HERC2: variants seen among roughly 807,000 people sequenced by gnomAD.
HERC2 encodes the protein E3 ubiquitin-protein ligase HERC2.
Under a neutral mutation model 537.7 loss-of-function variants are expected in HERC2, and 102 were observed. That is an observed-to-expected ratio of 0.19 (90% CI 0.16 to 0.22). The LOEUF is 0.22. HERC2 is among the 10% of genes least tolerant of loss of function. HERC2 has a pLI of 1.00. For synonymous variants in HERC2, 2,224 were observed against 2,466.2 expected, an observed-to-expected ratio of 0.90 and a Z score of 2.91; for missense variants, 4,236 against 6,198.2, an observed-to-expected ratio of 0.68 and a Z score of 10.63.
At chr15:28,130,968 G>A (rs1371741464) in intron 81 of HERC2, among the ~76,000 whole-genome samples, 2 of 152,164 alleles carry the variant, frequency 1.3e-5, no homozygotes, top group Non-Finnish European at 2.9e-5. Context: ...AGCCCTCTCA[G>A]AGCAGAGGCC....
In HERC2 at chr15:28,237,087, T is replaced by C; in HGVS notation, c.3879A>G (p.Pro1293=). Reference sequence around the variant, plus strand: ...GAGGTGAAGAGAGACTCCCCAGATCTGGTATGGTGACGATTTCTTGGTCAG... The same window carrying C: ...GAGGTGAAGAGAGACTCCCCAGATCCGGTATGGTGACGATTTCTTGGTCAG... The part of the protein sequence containing the change: ...LEPDQEIVTI[P]DLGSLSSPLI... Residue 1293 remains proline (P), a synonymous_variant, in exon 26 of 93, where the codon CCA becomes CCG. Transcript: ENST00000261609. The C allele has an allele frequency of 1.3e-6, 2 of 1,566,012 alleles. No homozygotes were observed. Among genetic ancestry groups the C allele is most frequent in the Non-Finnish European group, 8.8e-7 (1 of 1,137,866 alleles).
intron 70 of HERC2, among the ~76,000 whole-genome samples, chr15:28,149,742 A>G (rs1892207738): frequency 6.6e-6 from 1 of 152,106 alleles, no homozygotes; most frequent in Non-Finnish European, 1.5e-5. Flanking sequence ...CCGAAAAAAC[A>G]CACGCGACTT....
rs974677289 is a variant in HERC2 at position 28,177,322 on chromosome 15, A to T, written c.9254+97T>A. On this transcript the variant is annotated intron_variant, in intron 60 of 92. Transcript: ENST00000261609. The surrounding 1 kb of genome is among the most constrained non-coding windows in gnomAD (Gnocchi z 5.0). ...AATTTTGTTTAAGAACCATTTCTAT[A>T]ATCTATTCTATTCTAATTTTCTGCA... 7.3e-7 allele frequency: 1 copy of T among 1,363,624 alleles called. No individual in the cohort carries two copies. The highest frequency in any genetic ancestry group is 1.5e-5 in the African/African-American group (1 of 68,470). 84.5% of individuals were successfully genotyped at this position (1,363,624 alleles called of 1,614,324 possible). A position where few individuals can be genotyped will look rare whatever the true frequency, so the allele number is the denominator to read the frequency against.
intron 55 of HERC2, chr15:28,190,505 C>T (rs1003251928): frequency 6.1e-6 from 1 of 163,890 alleles, no homozygotes; most frequent in Admixed American, 5.9e-5. Context: ...TAAACTTAGA[C>T]TCATTTTGAA....
At chr15:28,303,056 G>GT (rs1205072900) in intron 2 of HERC2, among the ~76,000 whole-genome samples, 1 of 151,606 alleles carries the variant, frequency 6.6e-6, no homozygotes, top group Non-Finnish European at 1.5e-5. Context: ...TGTTTACGAA[G>GT]TATTACTCAA....
At chr15:28,132,352 G>T (rs1596010775) in intron 80 of HERC2, 91 bp from the exon 81 acceptor site, 4 of 1,217,372 alleles carry the variant, frequency 3.3e-6, no homozygotes, top group South Asian at 3.3e-5. Context: ...CTTTTTTTAT[G>T]GGGGTACCTG....
intron 35 of HERC2, among the ~76,000 whole-genome samples, chr15:28,224,160 C>G (rs1167812968): frequency 6.8e-6 from 1 of 147,598 alleles, no homozygotes; most frequent in African/African-American, 2.6e-5. Flanking sequence ...CACACACACA[C>G]ACACACAGAG....
At chr15:28,194,367 G>A (rs1251489907) in intron 52 of HERC2, among the ~76,000 whole-genome samples, 2 of 144,576 alleles carry the variant, frequency 1.4e-5, no homozygotes, top group African/African-American at 2.5e-5. Flanking sequence ...TCAGGAGATC[G>A]AGACCATCCT....
At chr15:28,196,832 A>G (rs193247355) in intron 50 of HERC2, among the ~76,000 whole-genome samples, 373 of 152,318 alleles carry the variant, frequency 2.4e-3, no homozygotes, top group African/African-American at 8.8e-3. Context: ...GAGCACATGG[A>G]GGTTCATTGT....
At chr15:28,246,931 T>A in intron 21 of HERC2, 34 bp from the exon 22 acceptor site, 1 of 1,583,046 alleles carries the variant, frequency 6.3e-7, no homozygotes, top group Non-Finnish European at 8.6e-7. Context: ...TCATTTTCAC[T>A]ACTAAAATTT....
Position 28,116,685 on chromosome 15 carries a change from C to T in HERC2, c.13589G>A (p.Ser4530Asn). 6.2e-7 allele frequency: 1 copy of T among 1,612,356 alleles called. No individual in the cohort carries two copies. The highest frequency in any genetic ancestry group is 1.1e-5 in the South Asian group (1 of 90,928). ...LSPAARAPVH[S>N]SMFRFLGVLL... Reference sequence around the variant, plus strand: ...CTCACCCAGGAAGCGGAACATGCTGCTGTGCACGGGTGCTCTGGCGGCCGG... The same window carrying T: ...CTCACCCAGGAAGCGGAACATGCTGTTGTGCACGGGTGCTCTGGCGGCCGG... The change falls in exon 88 of 93, where the codon AGC becomes AAC. Residue 4530 changes from serine to asparagine, a missense_variant. By Grantham distance (46) the Ser-to-Asn change is conservative. Coordinates refer to ENST00000261609, the MANE Select transcript of HERC2 (RefSeq NM_004667.6).
intron 2 of HERC2, among the ~76,000 whole-genome samples, chr15:28,307,176 C>T (rs369744290): frequency 1.3e-5 from 2 of 152,208 alleles, no homozygotes; most frequent in South Asian, 2.1e-4. Context: ...AATTTATTGA[C>T]ATATAGCTGT....
chr15:28,299,774 G>T (rs1021712145), intron 2 of HERC2, among the ~76,000 whole-genome samples: 5 of 152,024 alleles, frequency 3.3e-5, no homozygotes, highest in Non-Finnish European at 7.4e-5. Flanking sequence ...ACACGTGGTC[G>T]GGCGAGGTGG....
intron 3 of HERC2, among the ~76,000 whole-genome samples, chr15:28,293,920 C>T (rs2076391310): frequency 6.6e-6 from 1 of 152,222 alleles, no homozygotes. Flanking sequence ...GAAGAGAGAA[C>T]TAACCTTAAC....
intron 65 of HERC2, 86 bp from the exon 66 acceptor site, chr15:28,169,741 A>C: frequency 5.6e-6 from 7 of 1,260,772 alleles, no homozygotes; most frequent in Non-Finnish European, 7.8e-6. Context: ...GGTTAGTTCC[A>C]AAACACACTG....
At chr15:28,147,909 A>T (rs1891931414) in intron 70 of HERC2, among the ~76,000 whole-genome samples, 1 of 151,916 alleles carries the variant, frequency 6.6e-6, no homozygotes, top group Non-Finnish European at 1.5e-5. Flanking sequence ...TGGCAGCACA[A>T]GCCTGTAGTC....
intron 79 of HERC2, among the ~76,000 whole-genome samples, chr15:28,134,367 G>C (rs1470562835): frequency 1.3e-5 from 2 of 152,138 alleles, no homozygotes; most frequent in Non-Finnish European, 2.9e-5. Flanking sequence ...GCAGCTTTTT[G>C]TAAATACCAC....
chr15:28,272,295 C>A lies in HERC2; in HGVS notation c.1003G>T (p.Ala335Ser). 1 of 1,612,260 alleles carries A rather than the reference C, an allele frequency of 6.2e-7. No homozygotes were observed. Among genetic ancestry groups the A allele is most frequent in the Non-Finnish European group, 8.5e-7 (1 of 1,179,296 alleles). The change falls in exon 9 of 93, where the codon GCC (alanine) becomes TCC (serine). Residue 335 changes from alanine (A) to serine (S), a missense_variant. Coordinates refer to ENST00000261609, the MANE Select transcript of HERC2 (RefSeq NM_004667.6). ...DNERSAQGTS[A>S]PLLPLLQRFQ... ...CTTTGCAGCAAGGGCAAAAGTGGGGCGCTGGTGCCCTGGGCGGAACGCTCA... is the reference window on the plus strand; with the variant it reads ...CTTTGCAGCAAGGGCAAAAGTGGGGAGCTGGTGCCCTGGGCGGAACGCTCA...
intron 52 of HERC2, among the ~76,000 whole-genome samples, chr15:28,195,888 A>T (rs1194724470): frequency 1.3e-5 from 2 of 152,258 alleles, no homozygotes; most frequent in African/African-American, 2.4e-5. Flanking sequence ...TATATAAATT[A>T]AAAAACTCAC....
Sources: gnomAD v4.1 joint callset for allele counts (sites outside exome capture counted in the v4.1 genomes callset) on GRCh38, gnomAD v4.1.1 for gene constraint, Gnocchi (gnomAD v3.1) non-coding constraint, MANE v1.5 for transcripts, NCBI Gene and HGNC (gene_info 2026-07-23, HGNC 2026-07-21) for gene names.